Variants in FBXL17 observed in about 807,000 individuals in gnomAD.
FBXL17 encodes F-box and leucine rich repeat protein 17.
In FBXL17, 22 loss-of-function variants were observed where a neutral mutation model predicts 66.2. That is an observed-to-expected ratio of 0.33 (90% confidence interval 0.24 to 0.47). The LOEUF is 0.47. Ranked by LOEUF, FBXL17 falls within the 20% of genes least tolerant of loss-of-function variation. The pLI, the probability that FBXL17 is intolerant of heterozygous loss-of-function variation, is 1.00. For synonymous variants in FBXL17, 474 were observed against 400.5 expected (o/e 1.18, Z -2.19); for missense variants, 878 against 948.2 (o/e 0.93, Z 0.97).
At chr5:108,228,541 G>T (rs1755194512) in intron 4 of FBXL17, among the ~76,000 whole-genome samples, 2 of 152,144 alleles carry the variant, frequency 1.3e-5, no homozygotes, top group Non-Finnish European at 2.9e-5. Context: ...AGGGTAAAAT[G>T]TGAGGGTAAA....
intron 7 of FBXL17, among the ~76,000 whole-genome samples, chr5:107,886,309 G>C (rs1748968886): frequency 6.6e-6 from 1 of 152,166 alleles, no homozygotes; most frequent in African/African-American, 2.4e-5. Context: ...TACATAGATA[G>C]CTACAGAAGT....
At chr5:108,257,339 A>G (rs2150121203) in intron 4 of FBXL17, among the ~76,000 whole-genome samples, 1 of 152,260 alleles carries the variant, frequency 6.6e-6, no homozygotes, top group Non-Finnish European at 1.5e-5. Flanking sequence ...TGAATAATTT[A>G]ATGATAACAA....
At chr5:107,967,664 A>G (rs1171477522) in intron 7 of FBXL17, among the ~76,000 whole-genome samples, 1 of 152,020 alleles carries the variant, frequency 6.6e-6, no homozygotes, top group East Asian at 1.9e-4. Flanking sequence ...CATGTACCCT[A>G]GAACTTAAAG....
intron 4 of FBXL17, among the ~76,000 whole-genome samples, chr5:108,267,668 C>T (rs1757099643): frequency 3.3e-5 from 5 of 152,006 alleles, no homozygotes. Context: ...GTACTCACCA[C>T]AGCACTTACA....
At chr5:108,277,453 A>G (rs529249831) in intron 4 of FBXL17, among the ~76,000 whole-genome samples, 1 of 152,314 alleles carries the variant, frequency 6.6e-6, no homozygotes, top group East Asian at 1.9e-4. Flanking sequence ...GAAGAGTAAA[A>G]CAAGTAAAAG....
intron 7 of FBXL17, among the ~76,000 whole-genome samples, chr5:107,974,854 A>G (rs1752517552): frequency 6.6e-6 from 1 of 152,146 alleles, no homozygotes; most frequent in South Asian, 2.1e-4. Context: ...AGAAAAAGGA[A>G]CATGTATCAA....
chr5:108,111,290 T>C (rs1263329143), intron 6 of FBXL17, among the ~76,000 whole-genome samples: 1 of 151,898 alleles, frequency 6.6e-6, no homozygotes, highest in South Asian at 2.1e-4. Context: ...AAAGGTTTGA[T>C]TGGATTGGTA....
chr5:107,990,213 G>A (rs1312535653), intron 7 of FBXL17, among the ~76,000 whole-genome samples: 1 of 152,178 alleles, frequency 6.6e-6, no homozygotes, highest in Non-Finnish European at 1.5e-5. Context: ...ACAGAACTGG[G>A]GCTATCGCCC....
intron 4 of FBXL17, among the ~76,000 whole-genome samples, chr5:108,297,084 T>C (rs926478585): frequency 2.6e-5 from 4 of 151,540 alleles, no homozygotes; most frequent in African/African-American, 7.2e-5. Flanking sequence ...CCTTCTTCAA[T>C]TGGATAATCT....
At chr5:108,031,368 G>T (rs1746632408) in intron 6 of FBXL17, among the ~76,000 whole-genome samples, 1 of 151,872 alleles carries the variant, frequency 6.6e-6, no homozygotes, top group African/African-American at 2.4e-5. Context: ...ATAAAATCTG[G>T]GATATACCCA....
chr5:107,904,321 A>G (rs547966169), intron 7 of FBXL17, among the ~76,000 whole-genome samples: 46 of 152,228 alleles, frequency 3.0e-4, no homozygotes, highest in African/African-American at 1.1e-3. Context: ...GTAACTCACT[A>G]TTGATCCTGT....
intron 7 of FBXL17, among the ~76,000 whole-genome samples, chr5:107,954,284 A>G (rs922385384): frequency 6.6e-6 from 1 of 152,258 alleles, no homozygotes; most frequent in Non-Finnish European, 1.5e-5. Context: ...TATTATGTAC[A>G]TTACCAAAAT....
intron 4 of FBXL17, among the ~76,000 whole-genome samples, chr5:108,256,168 C>T (rs752348138): frequency 1.2e-4 from 18 of 152,166 alleles, no homozygotes; most frequent in Non-Finnish European, 2.6e-4. Flanking sequence ...AAGATCACAA[C>T]TTCCTTGGAA....
intron 6 of FBXL17, among the ~76,000 whole-genome samples, chr5:108,134,007 A>C (rs1457327404): frequency 6.6e-6 from 1 of 152,166 alleles, no homozygotes; most frequent in East Asian, 1.9e-4. Context: ...ACTGGCAGTA[A>C]GGTAAGGTTA....
intron 7 of FBXL17, among the ~76,000 whole-genome samples, chr5:107,994,285 A>G (rs1373867735): frequency 6.6e-6 from 1 of 150,540 alleles, no homozygotes; most frequent in African/African-American, 2.5e-5. Flanking sequence ...ACAAAATTAA[A>G]TGAATAATGT....
At chr5:108,102,886 T>A (rs189018619) in intron 6 of FBXL17, among the ~76,000 whole-genome samples, 59 of 152,332 alleles carry the variant, frequency 3.9e-4, no homozygotes, top group African/African-American at 1.3e-3. Context: ...AATTTTCTCA[T>A]GGCATTTTTT....
At chr5:108,226,259 G>A (rs1008715568) in intron 4 of FBXL17, among the ~76,000 whole-genome samples, 5 of 152,038 alleles carry the variant, frequency 3.3e-5, no homozygotes, top group Admixed American at 6.6e-5. Flanking sequence ...CCTATGACCC[G>A]GAAAACCACT....
At chr5:108,116,669 A>T (rs189928176) in intron 6 of FBXL17, among the ~76,000 whole-genome samples, 503 of 151,854 alleles carry the variant, frequency 3.3e-3, no homozygotes, top group Non-Finnish European at 5.6e-3. Context: ...AATAATAAAA[A>T]AATAATAATA....
intron 3 of FBXL17, among the ~76,000 whole-genome samples, chr5:108,359,628 T>C (rs1233191224): frequency 1.3e-5 from 2 of 152,212 alleles, no homozygotes; most frequent in African/African-American, 2.4e-5. Flanking sequence ...ATTATTGATT[T>C]CCAGATTCAT....
Sources: gnomAD v4.1 joint callset for allele counts (sites outside exome capture counted in the v4.1 genomes callset) on GRCh38, gnomAD v4.1.1 for gene constraint, MANE v1.5 for transcripts, NCBI Gene and HGNC (gene_info 2026-07-23, HGNC 2026-07-21) for gene names.